Variants in TMPRSS11A observed in about 807,000 individuals in gnomAD.
The protein encoded by TMPRSS11A is transmembrane protease serine 11A.
TMPRSS11A carries 53 observed loss-of-function variants against 58.9 expected under a neutral mutation model. The ratio of observed to expected loss-of-function variants is 0.90; its 90% CI spans 0.72 to 1.13. The LOEUF (loss-of-function observed/expected upper bound fraction) is 1.13, where lower values mean the gene tolerates loss of function less well. TMPRSS11A is among the 50% of genes most tolerant of loss of function. The pLI is 0.00. For synonymous variants in TMPRSS11A, 167 were observed against 169.8 expected (o/e 0.98, Z 0.13); for missense variants, 493 against 499.3 (o/e 0.99, Z 0.12).
chr4:67,948,511 C>T (rs1721083068), intron 1 of TMPRSS11A, among the ~76,000 whole-genome samples: 1 of 152,104 alleles, frequency 6.6e-6, no homozygotes, highest in East Asian at 1.9e-4. Context: ...ACTGTTTGGA[C>T]CTAAAATAGT....
intron 3 of TMPRSS11A, among the ~76,000 whole-genome samples, chr4:67,932,660 T>A (rs1246638527): frequency 1.3e-5 from 2 of 152,130 alleles, no homozygotes; most frequent in African/African-American, 4.8e-5. Flanking sequence ...CTAGCCTCCA[T>A]CCTGGCATTA....
intron 1 of TMPRSS11A, 61 bp from the exon 2 acceptor site, chr4:67,946,632 T>C (rs1396553261): frequency 6.4e-7 from 1 of 1,552,468 alleles, no homozygotes; most frequent in Admixed American, 2.0e-5. Context: ...GTTTTCCAGC[T>C]CTCCTTAGAC....
In TMPRSS11A at chr4:67,946,485, A is replaced by G. The variant is rs1721010318; in HGVS notation, c.98T>C (p.Val33Ala). The G allele has an allele frequency of 6.2e-7, 1 of 1,608,992 alleles. No individual in the cohort carries two copies. The highest frequency in any genetic ancestry group is 1.3e-5 in the African/African-American group (1 of 74,678). ...GAAGTGAACCAGGAGACCTATGGTC[A>G]CTGCCACCACTGTCAGGGACAACAC... Reference protein sequence around the residue: ...LIVLSLTVVAVTIGLLVHFLV... With the variant: ...LIVLSLTVVAATIGLLVHFLV... Residue 33 changes from valine (V) to alanine (A), a missense_variant, in exon 2 of 10, where the codon GTG becomes GCG. Transcript: ENST00000508048.
intron 5 of TMPRSS11A, 114 bp from the exon 6 acceptor site, chr4:67,924,280 ATAGAT>A (rs1225759240): frequency 2.6e-5 from 23 of 884,006 alleles, no homozygotes; most frequent in Non-Finnish European, 4.1e-5. Flanking sequence ...AGTTGAACAT[ATAGAT>A]TAATTAGGAG....
chr4:67,936,863 A>G (rs1319601290), intron 3 of TMPRSS11A, among the ~76,000 whole-genome samples: 1 of 152,228 alleles, frequency 6.6e-6, no homozygotes, highest in Non-Finnish European at 1.5e-5. Flanking sequence ...ACAAAAACCT[A>G]GATCTTTGAA....
chr4:67,917,688 G>C (rs991122061), intron 8 of TMPRSS11A, among the ~76,000 whole-genome samples: 3 of 152,160 alleles, frequency 2.0e-5, no homozygotes, highest in Non-Finnish European at 4.4e-5. Flanking sequence ...GTCAGATTCT[G>C]TTGCCACTCA....
At chr4:67,934,137 C>G (rs533026992) in intron 3 of TMPRSS11A, among the ~76,000 whole-genome samples, 82 of 152,228 alleles carry the variant, frequency 5.4e-4, no homozygotes, top group African/African-American at 1.9e-3. Flanking sequence ...TTCTAGGACT[C>G]TCTCTCTAGA....
At chr4:67,936,095 C>A (rs1318804347) in intron 3 of TMPRSS11A, among the ~76,000 whole-genome samples, 1 of 152,100 alleles carries the variant, frequency 6.6e-6, no homozygotes, top group African/African-American at 2.4e-5. Flanking sequence ...GGCCATGTAG[C>A]TTCAGAGCCT....
chr4:67,944,769 A>G, intron 2 of TMPRSS11A, 132 bp from the exon 3 acceptor site: 1 of 704,144 alleles, frequency 1.4e-6, no homozygotes, highest in East Asian at 2.8e-5. Flanking sequence ...TTAAAAAATA[A>G]CAGTTAATGT....
chr4:67,939,042 T>A (rs548260182), intron 3 of TMPRSS11A, among the ~76,000 whole-genome samples: 1 of 152,278 alleles, frequency 6.6e-6, no homozygotes, highest in East Asian at 1.9e-4. Context: ...TTCCAATCCA[T>A]GAGCATGGAA....
In TMPRSS11A at chr4:67,947,871, G is replaced by A. The variant is rs531886595; in HGVS notation, c.12-1300C>T. 7.9e-5 allele frequency among the ~76,000 whole-genome samples: 12 copies of A among 152,254 alleles called. No homozygotes were observed. In the East Asian group the frequency reaches 2.3e-3, roughly 29 times the overall value. On this transcript the variant is annotated intron_variant, in intron 1 of 9. Transcript: ENST00000508048. ...GTAGGAATCATATAAATCTATGAGA[G>A]TCAGGCAGGAATGATACCAACATTA...
chr4:67,930,542 C>A (rs1379170737), intron 4 of TMPRSS11A, among the ~76,000 whole-genome samples: 2 of 151,998 alleles, frequency 1.3e-5, no homozygotes, highest in African/African-American at 2.4e-5. Context: ...TTCCATAAGG[C>A]TTAGGTCTAC....
At chr4:67,937,906 C>T (rs532250237) in intron 3 of TMPRSS11A, among the ~76,000 whole-genome samples, 15 of 152,110 alleles carry the variant, frequency 9.9e-5, no homozygotes, top group East Asian at 1.9e-4. Flanking sequence ...AGTTTATACT[C>T]CTTTGGGTAT....
intron 3 of TMPRSS11A, among the ~76,000 whole-genome samples, chr4:67,941,716 C>T (rs1481677620): frequency 2.0e-5 from 3 of 152,282 alleles, no homozygotes; most frequent in East Asian, 3.9e-4. Context: ...ATCTACCTAA[C>T]ACATCCAAAG....
intron 1 of TMPRSS11A, among the ~76,000 whole-genome samples, chr4:67,949,823 C>A (rs1478561817): frequency 3.3e-5 from 5 of 152,198 alleles, no homozygotes; most frequent in Admixed American, 6.5e-5. Flanking sequence ...GGCGCCACTG[C>A]ACTCCAGCCT....
chr4:67,924,136 A>G lies in TMPRSS11A; in HGVS notation c.512T>C (p.Val171Ala). ...AMSSSTGELTVQASCGKRVVP... is the reference protein window; with the variant it reads ...AMSSSTGELTAQASCGKRVVP... ...AAGCTAACTTGACTTACTTGCTTGG[A>G]CAGTTAACTCCCCTGTTGATGAGCT... The change falls in exon 6 of 10, where the codon GTC (valine) becomes GCC (alanine). Residue 171 changes from valine (V) to alanine (A), a missense_variant. Val to Ala is a moderately conservative substitution (Grantham distance 64). Coordinates refer to ENST00000508048, the MANE Select transcript of TMPRSS11A (RefSeq NM_001114387.2). 1 of 1,613,404 alleles carries G rather than the reference A, an allele frequency of 6.2e-7. No individual in the cohort carries two copies. Among genetic ancestry groups the G allele is most frequent in the East Asian group, 2.2e-5 (1 of 44,790 alleles).
intron 1 of TMPRSS11A, among the ~76,000 whole-genome samples, chr4:67,956,767 A>C (rs1476843469): frequency 6.6e-6 from 1 of 152,240 alleles, no homozygotes; most frequent in African/African-American, 2.4e-5. Flanking sequence ...TACTTTATAC[A>C]CATTTCTGTC....
chr4:67,909,812 A>G lies in TMPRSS11A; in HGVS notation c.*1530T>C, dbSNP rs1363556867. Reference sequence around the variant, plus strand: ...GAATATACTCATATTCTTAAACATAACATAAGTATATTGGCCTATGTGACA... The same window carrying G: ...GAATATACTCATATTCTTAAACATAGCATAAGTATATTGGCCTATGTGACA... On this transcript the variant is annotated 3_prime_UTR_variant, in exon 10 of 10. Coordinates refer to ENST00000508048, the MANE Select transcript of TMPRSS11A (RefSeq NM_001114387.2). The G allele has an allele frequency of 1.3e-5, 2 of 152,160 alleles. No individual in the cohort carries two copies. The highest frequency in any genetic ancestry group is 2.9e-5 in the Non-Finnish European group (2 of 67,970). The allele number at this position is 152,160 out of a possible 1,614,324, so 9.4% of individuals were successfully genotyped here.
At chr4:67,928,560 C>T (rs904750594) in intron 5 of TMPRSS11A, among the ~76,000 whole-genome samples, 4 of 152,174 alleles carry the variant, frequency 2.6e-5, no homozygotes, top group African/African-American at 9.7e-5. Context: ...CAGAAAGCAT[C>T]ATGTAAATTA....
Sources: gnomAD v4.1 joint callset for allele counts (sites outside exome capture counted in the v4.1 genomes callset) on GRCh38, gnomAD v4.1.1 for gene constraint, MANE v1.5 for transcripts, NCBI Gene and HGNC (gene_info 2026-07-23, HGNC 2026-07-21) for gene names.